The following INVS variants were observed in gnomAD, a reference collection of about 807,000 sequenced individuals.
INVS encodes the protein inversion of embryo turning homolog.
A neutral mutation model predicts 108.8 loss-of-function variants in INVS; 86 were observed. The ratio of observed to expected loss-of-function variants is 0.79; its 90% CI spans 0.66 to 0.95. INVS has a LOEUF of 0.95. INVS is among the 40% of genes least tolerant of loss of function. The probability of loss-of-function intolerance (pLI) is 0.00; values close to 1 mark genes in which losing one functional copy is unlikely to be tolerated. For synonymous variants in INVS, 455 were observed against 473.5 expected (o/e 0.96, Z 0.51); for missense variants, 1,169 against 1,297.4 (o/e 0.90, Z 1.52).
intron 3 of INVS, among the ~76,000 whole-genome samples, chr9:100,167,738 C>T (rs528207657): frequency 6.6e-6 from 1 of 152,214 alleles, no homozygotes; most frequent in South Asian, 2.1e-4. Context: ...AATTTATCCC[C>T]ATTGCCTAGA....
intron 3 of INVS, among the ~76,000 whole-genome samples, chr9:100,216,089 TG>T (rs1307477128): frequency 6.6e-6 from 1 of 152,194 alleles, no homozygotes; most frequent in Non-Finnish European, 1.5e-5. Flanking sequence ...TTACTGTTAC[TG>T]TGGGTATCTA....
chr9:100,160,710 G>A (rs574289905), intron 3 of INVS, among the ~76,000 whole-genome samples: 10 of 152,166 alleles, frequency 6.6e-5, no homozygotes, highest in Admixed American at 3.3e-4. Context: ...ACGAAGAAAA[G>A]TATTATTCCT....
At chr9:100,152,895 T>G (rs1348586836) in intron 3 of INVS, among the ~76,000 whole-genome samples, 1 of 152,152 alleles carries the variant, frequency 6.6e-6, no homozygotes, top group Non-Finnish European at 1.5e-5. Flanking sequence ...TTCAAGCCAT[T>G]TTCTTTTAAG....
Position 100,297,010 on chromosome 9 carries a change from G to A in INVS, c.2880G>A (p.Leu960=). Residue 960 remains leucine, a synonymous_variant, in exon 15 of 17, where the codon TTG becomes TTA. Coordinates refer to ENST00000262457, the MANE Select transcript of INVS (RefSeq NM_014425.5). ...VDRWRQESTA[L]LLQVWRKELE... ...GATGGAGGCAAGAGTCTACAGCATT[G>A]CTCCTCCAGGTTTGGAGGAAGGAAC... The A allele has an allele frequency of 6.2e-7, 1 of 1,613,886 alleles. No homozygotes were observed. The highest frequency in any genetic ancestry group is 8.5e-7 in the Non-Finnish European group (1 of 1,179,912).
At position 100,293,945 on chromosome 9, in the gene INVS, T is replaced by C. The variant is rs1833706841; in HGVS notation, c.2786+902T>C. On this transcript the variant is annotated intron_variant, in intron 14 of 16. Coordinates refer to ENST00000262457, the MANE Select transcript of INVS (RefSeq NM_014425.5). ...TGGGAGGCCGAGGAGGGAGGATCAC[T>C]TGAACCCAGGGTTATGAGACGAGAC... 2.6e-5 allele frequency among the ~76,000 whole-genome samples: 4 copies of C among 152,126 alleles called. No homozygotes were observed. The South Asian group carries it at 8.3e-4, about 32-fold the overall frequency.
chr9:100,298,199 A>C, intron 16 of INVS, 189 bp downstream of exon 16: 2 of 1,501,542 alleles, frequency 1.3e-6, no homozygotes, highest in Non-Finnish European at 1.8e-6. Flanking sequence ...TCACAACTAA[A>C]AGCTATTATT....
chr9:100,187,209 C>G (rs1255347039), intron 3 of INVS, among the ~76,000 whole-genome samples: 1 of 152,092 alleles, frequency 6.6e-6, no homozygotes, highest in East Asian at 1.9e-4. Context: ...TTCCATTGGT[C>G]TGTACATCTA....
intron 3 of INVS, among the ~76,000 whole-genome samples, chr9:100,163,177 GTTCT>G (rs1156948017): frequency 2.2e-5 from 3 of 134,716 alleles, no homozygotes; most frequent in Non-Finnish European, 3.1e-5. Context: ...CTAACTTGAT[GTTCT>G]TTCTATTTTT....
chr9:100,180,889 T>A (rs763994985), intron 3 of INVS, among the ~76,000 whole-genome samples: 2 of 152,200 alleles, frequency 1.3e-5, no homozygotes, highest in Non-Finnish European at 2.9e-5. Flanking sequence ...AATAAAATAC[T>A]GGCTAACTGA....
At chr9:100,167,518 T>C (rs778405967) in intron 3 of INVS, among the ~76,000 whole-genome samples, 1 of 152,198 alleles carries the variant, frequency 6.6e-6, no homozygotes, top group Non-Finnish European at 1.5e-5. Context: ...CAAGTCACTG[T>C]CTCAGTGAAC....
At chr9:100,144,721 G>A (rs1383237244) in intron 3 of INVS, among the ~76,000 whole-genome samples, 1 of 152,110 alleles carries the variant, frequency 6.6e-6, no homozygotes, top group South Asian at 2.1e-4. Context: ...AGCTGAGGCT[G>A]AGGAAGAATT....
chr9:100,297,035 C>A lies in INVS; in HGVS notation c.2905C>A (p.Leu969Met). 3 of 1,613,990 alleles carry A rather than the reference C, an allele frequency of 1.9e-6. No homozygotes were observed. Among genetic ancestry groups the A allele is most frequent in the Non-Finnish European group, 2.5e-6 (3 of 1,179,970 alleles). The change falls in exon 15 of 17, where the codon CTG (leucine) becomes ATG (methionine). Residue 969 changes from leucine (L) to methionine (M), a missense_variant. Coordinates refer to ENST00000262457, the MANE Select transcript of INVS (RefSeq NM_014425.5). ...GCTCCTCCAGGTTTGGAGGAAGGAA[C>A]TGGAACTAAAATTCCCCCAAACCAC... ...ALLLQVWRKE[L>M]ELKFPQTTAV...
At chr9:100,201,052 A>G (rs1447516542) in intron 3 of INVS, among the ~76,000 whole-genome samples, 1 of 152,238 alleles carries the variant, frequency 6.6e-6, no homozygotes, top group Admixed American at 6.5e-5. Context: ...GGCTTGCCAC[A>G]TAGATTCAGC....
At chr9:100,149,154 CATT>C (rs1828726223) in intron 3 of INVS, among the ~76,000 whole-genome samples, 1 of 152,106 alleles carries the variant, frequency 6.6e-6, no homozygotes, top group Non-Finnish European at 1.5e-5. Flanking sequence ...TGTATCCACT[CATT>C]AGTCCATTTT....
chr9:100,117,367 A>AT (rs1028543055), intron 2 of INVS: 1 of 755,040 alleles, frequency 1.3e-6, no homozygotes, highest in African/African-American at 1.7e-5. Context: ...TCTCAGATTC[A>AT]TTAATGGGCA....
intron 5 of INVS, among the ~76,000 whole-genome samples, chr9:100,235,808 T>C (rs1029917792): frequency 6.6e-6 from 1 of 152,182 alleles, no homozygotes; most frequent in African/African-American, 2.4e-5. Flanking sequence ...CATTTTTTTC[T>C]TCATTTGAAC....
intron 3 of INVS, among the ~76,000 whole-genome samples, chr9:100,217,332 A>G (rs560687870): frequency 2.6e-4 from 39 of 152,222 alleles, no homozygotes; most frequent in Non-Finnish European, 4.6e-4. Flanking sequence ...GAAGAAAGAA[A>G]GGAAAACTAT....
intron 3 of INVS, among the ~76,000 whole-genome samples, chr9:100,157,453 A>T (rs1390094929): frequency 2.6e-5 from 4 of 151,914 alleles, no homozygotes; most frequent in Admixed American, 1.3e-4. Context: ...TTTTTAGTAG[A>T]GACGGGGTTT....
intron 2 of INVS, among the ~76,000 whole-genome samples, chr9:100,109,789 C>G (rs1039998575): frequency 1.3e-5 from 2 of 152,198 alleles, no homozygotes; most frequent in African/African-American, 4.8e-5. Flanking sequence ...CCTCAGCCTC[C>G]CAAGTAACTG....
Sources: allele counts gnomAD v4.1 joint callset (sites outside exome capture counted in the v4.1 genomes callset), GRCh38; gene constraint gnomAD v4.1.1; transcripts MANE v1.5; gene names NCBI Gene and HGNC (gene_info 2026-07-23, HGNC 2026-07-21).